Variants in AATK observed in about 807,000 individuals in gnomAD.
The protein encoded by AATK is lemur tail kinase 1, also known as serine/threonine-protein kinase LMTK1.
In AATK, 91 loss-of-function variants were observed where a neutral mutation model predicts 114.3. The ratio of observed to expected loss-of-function variants is 0.80; its 90% CI spans 0.67 to 0.95. The LOEUF is 0.95. Among genes scored for constraint, AATK ranks in the 40% least tolerant of loss-of-function variants. The pLI, the probability that AATK is intolerant of heterozygous loss-of-function variation, is 0.00. For synonymous variants in AATK, 1,075 were observed against 916.5 expected (o/e 1.17, Z -3.12); for missense variants, 2,176 against 1,965.2 (o/e 1.11, Z -2.03).
At chr17:81,156,589 G>C (rs770705283) in intron 1 of AATK, among the ~76,000 whole-genome samples, 9 of 152,182 alleles carry the variant, frequency 5.9e-5, no homozygotes, top group Non-Finnish European at 1.2e-4. Flanking sequence ...AGTAGAAACA[G>C]GGTTTCACTA....
intron 1 of AATK, among the ~76,000 whole-genome samples, chr17:81,162,949 C>G (rs954191103): frequency 1.3e-5 from 2 of 152,206 alleles, no homozygotes; most frequent in African/African-American, 2.4e-5. Flanking sequence ...ATGGTAGGCA[C>G]TGCCCAGGTA....
At chr17:81,127,458 T>A in intron 6 of AATK, 125 bp downstream of exon 6, 6 of 932,318 alleles carry the variant, frequency 6.4e-6, no homozygotes, top group Non-Finnish European at 1.0e-5. Flanking sequence ...GGGGGCAGGG[T>A]CCCTGGGTCT....
chr17:81,148,292 G>T (rs942346857), intron 1 of AATK, among the ~76,000 whole-genome samples: 1 of 152,162 alleles, frequency 6.6e-6, no homozygotes, highest in African/African-American at 2.4e-5. Flanking sequence ...CGCGCTGGAC[G>T]CAGAATGGCC....
chr17:81,123,338 AG>A lies in AATK; in HGVS notation c.967del (p.Leu323TrpfsTer3). On this transcript the variant is annotated frameshift_variant, in exon 10 of 14. Coordinates refer to ENST00000326724, the MANE Select transcript of AATK (RefSeq NM_001080395.3). LOFTEE classifies it high-confidence loss of function. Reference sequence around the variant, plus strand: ...AAAGAGCTCCCAGATGGTCACGCCCAGGGACCTGTGGGGCGACAGCCGTGAG... The same window carrying A: ...AAAGAGCTCCCAGATGGTCACGCCCAGGACCTGTGGGGCGACAGCCGTGAG... ...DQTKSGNVWS[L>X]GVTIWELFEL... is the part of the protein sequence containing the mutation. 7.3e-7 allele frequency: 1 copy of A among 1,372,380 alleles called. No homozygotes were observed. 85.0% of individuals were successfully genotyped at this position (1,372,380 alleles called of 1,614,324 possible). A position where few individuals can be genotyped will look rare whatever the true frequency, so the allele number is the denominator to read the frequency against.
At position 81,140,756 on chromosome 17, in the gene AATK, GT is replaced by G. The variant is rs1567819579; in HGVS notation, c.56-6256del. ...CGTGGGGCCGGGAGACCGTGGGGCCGTGAGCCGTGGGGCTGTGGGGCGGTGA... is the reference window on the plus strand; with the variant it reads ...CGTGGGGCCGGGAGACCGTGGGGCCGGAGCCGTGGGGCTGTGGGGCGGTGA... On this transcript the variant is annotated intron_variant, in intron 1 of 13. Coordinates refer to ENST00000326724, the MANE Select transcript of AATK (RefSeq NM_001080395.3). Among the ~76,000 whole-genome samples the G allele has an allele frequency of 3.0e-4, 27 of 90,838 alleles. No individual in the cohort carries two copies. The South Asian group carries it at 4.1e-3, about 14-fold the overall frequency. 59.6% of individuals were successfully genotyped at this position (90,838 alleles called of 152,430 possible).
At chr17:81,153,932 G>A (rs57888674) in intron 1 of AATK, among the ~76,000 whole-genome samples, 44,374 of 151,908 alleles carry the variant, frequency 0.29, 7,662 homozygotes, top group Middle Eastern at 0.4. Flanking sequence ...TTAACCCAGC[G>A]TGGTGGCGGG....
chr17:81,162,904 G>T (rs2061442629), intron 1 of AATK, among the ~76,000 whole-genome samples: 1 of 152,150 alleles, frequency 6.6e-6, no homozygotes, highest in Non-Finnish European at 1.5e-5. Context: ...CCTGCCCACT[G>T]GTCAACAGTG....
chr17:81,142,428 A>G (rs1408058806), intron 1 of AATK, among the ~76,000 whole-genome samples: 1 of 150,830 alleles, frequency 6.6e-6, no homozygotes, highest in East Asian at 2.0e-4. Flanking sequence ...TTGCACCACC[A>G]CACCCGCTAA....
At chr17:81,124,645 C>A in intron 9 of AATK, 82 bp downstream of exon 9, 1 of 1,572,734 alleles carries the variant, frequency 6.4e-7, no homozygotes, top group Non-Finnish European at 8.6e-7. Flanking sequence ...CCTGACCTCA[C>A]TACTCATGGC....
chr17:81,160,222 A>G, intron 1 of AATK: 1 of 983,550 alleles, frequency 1.0e-6, no homozygotes, highest in East Asian at 1.1e-4. Flanking sequence ...ATCCTCCCAG[A>G]AACCCCCACG....
At chr17:81,137,188 G>A (rs2061023683) in intron 1 of AATK, among the ~76,000 whole-genome samples, 1 of 151,944 alleles carries the variant, frequency 6.6e-6, no homozygotes, top group African/African-American at 2.4e-5. Flanking sequence ...AACCCAGGAG[G>A]CGGAGGCTGC....
At chr17:81,161,035 A>G (rs74002080) in intron 1 of AATK, among the ~76,000 whole-genome samples, 24,198 of 151,790 alleles carry the variant, frequency 0.16, 2,800 homozygotes, top group African/African-American at 0.32. Context: ...ACGTGGCCTC[A>G]TTTTCTTCCA....
chr17:81,165,657 C>T (rs1261316353), intron 1 of AATK: 14 of 1,494,454 alleles, frequency 9.4e-6, no homozygotes, highest in Admixed American at 2.0e-5. Context: ...CAGGGGCCCA[C>T]GCAGGCCCTC....
Position 81,149,802 on chromosome 17 carries a change from C to T in AATK, c.56-15301G>A, listed in dbSNP as rs537547611. On this transcript the variant is annotated intron_variant, in intron 1 of 13. Coordinates refer to ENST00000326724, the MANE Select transcript of AATK (RefSeq NM_001080395.3). ...AAGGCACAGGGTACTCAGGAACCCC[C>T]GCTGCAACGGCAGTCAGCCCCCATC... Among the ~76,000 whole-genome samples, 4 of 152,264 alleles carry T rather than the reference C, an allele frequency of 2.6e-5. No individual in the cohort carries two copies. In the East Asian group the frequency reaches 7.7e-4, roughly 29 times the overall value.
chr17:81,156,270 A>G (rs1405609295), intron 1 of AATK, among the ~76,000 whole-genome samples: 1 of 151,382 alleles, frequency 6.6e-6, no homozygotes, highest in Non-Finnish European at 1.5e-5. Flanking sequence ...GTTACAATGT[A>G]TGTTACTATG....
At chr17:81,125,085 A>C in intron 7 of AATK, 71 bp from the exon 8 acceptor site, 1 of 809,766 alleles carries the variant, frequency 1.2e-6, no homozygotes, top group Non-Finnish European at 1.9e-6. Flanking sequence ...GGGCAGGGGG[A>C]GGGTCAGTGG....
In AATK at chr17:81,133,579, G is replaced by A. The variant is rs190784201; in HGVS notation, c.189+789C>T. Among the ~76,000 whole-genome samples the A allele has an allele frequency of 1.4e-3, 209 of 152,326 alleles. 2 individuals carry two copies. Among genetic ancestry groups the A allele is most frequent in the African/African-American group, 4.6e-3 (193 of 41,576 alleles). ...GGGCGTGTGAACCACCAGAGGTCCA[G>A]GCCAGGGTGTCATTTGCTCATCAGC... is the stretch of plus-strand genomic sequence containing the variant. On this transcript the variant is annotated intron_variant, in intron 2 of 13. Transcript: ENST00000326724.
intron 1 of AATK, among the ~76,000 whole-genome samples, chr17:81,142,005 G>C (rs2061147216): frequency 6.7e-6 from 1 of 149,116 alleles, no homozygotes; most frequent in South Asian, 2.1e-4. Context: ...ACCCAGGCTA[G>C]AGTGCAGTGG....
Position 81,121,490 on chromosome 17 carries a change from C to A in AATK, c.2446G>T (p.Ala816Ser). 1.3e-6 allele frequency: 2 copies of A among 1,564,012 alleles called. No homozygotes were observed. The highest frequency in any genetic ancestry group is 1.2e-5 in the South Asian group (1 of 83,282). ...GAPLPSEEAS[A>S]PDAPDALPDS... Reference sequence around the variant, plus strand: ...GGCAGGGCATCAGGGGCGTCGGGGGCACTGGCCTCCTCCGAGGGAAGTGGG... The same window carrying A: ...GGCAGGGCATCAGGGGCGTCGGGGGAACTGGCCTCCTCCGAGGGAAGTGGG... The change falls in exon 11 of 14, where the codon GCC becomes TCC. Residue 816 changes from alanine (A) to serine (S), a missense_variant. Ala to Ser is a moderately conservative substitution (Grantham distance 99). Coordinates refer to ENST00000326724, the MANE Select transcript of AATK (RefSeq NM_001080395.3).
Sources: allele counts gnomAD v4.1 joint callset (sites outside exome capture counted in the v4.1 genomes callset), GRCh38; gene constraint gnomAD v4.1.1; transcripts MANE v1.5; gene names NCBI Gene and HGNC (gene_info 2026-07-23, HGNC 2026-07-21).